The following EDN3 variants were observed in gnomAD, a reference collection of about 807,000 sequenced individuals.
The protein encoded by EDN3 is endothelin-3.
EDN3 carries 9 observed loss-of-function variants against 21.4 expected under a neutral mutation model. The ratio of observed to expected loss-of-function variants is 0.42; its 90% confidence interval spans 0.25 to 0.73. The LOEUF (loss-of-function observed/expected upper bound fraction) is 0.73, where lower values mean the gene tolerates loss of function less well. Ranked by LOEUF, EDN3 falls within the 30% of genes least tolerant of loss-of-function variation. EDN3 has a pLI of 0.26. For synonymous variants in EDN3, 133 were observed against 126.2 expected (o/e 1.05, Z -0.36); for missense variants, 327 against 309.4 (o/e 1.06, Z -0.43).
chr20:59,315,664 G>T (rs936254799), intron 2 of EDN3, among the ~76,000 whole-genome samples: 7 of 152,144 alleles, frequency 4.6e-5, no homozygotes, highest in African/African-American at 2.4e-5. Flanking sequence ...TAAACCACTA[G>T]ACTAGGAGTT....
intron 4 of EDN3, among the ~76,000 whole-genome samples, chr20:59,323,274 C>A (rs548931508): frequency 6.6e-6 from 1 of 152,166 alleles, no homozygotes; most frequent in Non-Finnish European, 1.5e-5. Context: ...CCCGGGAGAG[C>A]ATGAGTCAGA....
chr20:59,306,418 A>G (rs1460206724), intron 2 of EDN3, among the ~76,000 whole-genome samples: 1 of 152,034 alleles, frequency 6.6e-6, no homozygotes, highest in Non-Finnish European at 1.5e-5. Flanking sequence ...AGGTGCAGAC[A>G]TCAGCCGCTC....
Position 59,301,492 on chromosome 20 carries a change from C to A in EDN3, c.135C>A (p.Asp45Glu). The A allele has an allele frequency of 6.2e-7, 1 of 1,613,232 alleles. No homozygotes were observed. Among genetic ancestry groups the A allele is most frequent in the East Asian group, 2.2e-5 (1 of 44,864 alleles). ...QAPTAARSEG[D>E]CEETVAGPGE... ...CCACTGCAGCCAGATCTGAGGGGGACTGTGAAGAGACTGTGGCTGGCCCTG... is the reference window on the plus strand; with the variant it reads ...CCACTGCAGCCAGATCTGAGGGGGAATGTGAAGAGACTGTGGCTGGCCCTG... Residue 45 changes from aspartate (D) to glutamate (E), a missense_variant, in exon 2 of 5, where the codon GAC (aspartate) becomes GAA (glutamate). By Grantham distance (45) the Asp-to-Glu change is conservative (BLOSUM62 2). Coordinates refer to ENST00000337938, the MANE Select transcript of EDN3 (RefSeq NM_207034.3).
Position 59,301,609 on chromosome 20 carries a change from G to T in EDN3, c.252G>T (p.Ala84=). 6.2e-7 allele frequency: 1 copy of T among 1,614,064 alleles called. No individual in the cohort carries two copies. The highest frequency in any genetic ancestry group is 8.5e-7 in the Non-Finnish European group (1 of 1,179,982). ...CTGGAAGCCCTGGGCAGGAGCAGGCGGCCGAGGGGGCCCCTGAGCACCACC... is the reference window on the plus strand; with the variant it reads ...CTGGAAGCCCTGGGCAGGAGCAGGCTGCCGAGGGGGCCCCTGAGCACCACC... The part of the protein sequence containing the change: ...PSPGSPGQEQ[A]AEGAPEHHRS... The change falls in exon 2 of 5, where the codon GCG becomes GCT. Residue 84 remains alanine (A), a synonymous_variant. Coordinates refer to ENST00000337938, the MANE Select transcript of EDN3 (RefSeq NM_207034.3).
intron 2 of EDN3, among the ~76,000 whole-genome samples, chr20:59,303,240 C>T (rs1206264367): frequency 2.6e-5 from 4 of 152,156 alleles, no homozygotes; most frequent in Admixed American, 6.5e-5. Context: ...GCTGTGTCCA[C>T]CTAGAGGATG....
intron 2 of EDN3, among the ~76,000 whole-genome samples, chr20:59,313,749 GC>G (rs140098931): frequency 5.2e-4 from 79 of 152,336 alleles, no homozygotes; most frequent in African/African-American, 1.9e-3. Flanking sequence ...GCTATGAATT[GC>G]CGGTTCACTG....
chr20:59,303,220 T>C (rs1272089202), intron 2 of EDN3, among the ~76,000 whole-genome samples: 3 of 152,224 alleles, frequency 2.0e-5, no homozygotes, highest in Non-Finnish European at 4.4e-5. Context: ...TACCCTGATT[T>C]GCTGGCTGGG....
rs192079451 is a variant in EDN3, at chr20:59,313,973, A to G, written c.366-7044A>G. Among the ~76,000 whole-genome samples the G allele has an allele frequency of 2.6e-5, 4 of 152,346 alleles. No homozygotes were observed. In the East Asian group the frequency reaches 7.7e-4, roughly 29 times the overall value. ...TAAGCATTTGATGAGCGGGCAAGGA[A>G]TAAGTTCAGTAGAGGACGAAACTTC... On this transcript the variant is annotated intron_variant, in intron 2 of 4. Transcript: ENST00000337938.
Position 59,322,344 on chromosome 20 carries a change from T to C in EDN3, c.543-28T>C, listed in dbSNP as rs373743912. ...CCAGCCACAGGGAAAGGCAGGTTGA[T>C]TGATTAAAACCAGCTCTCTCCCCAC... On this transcript the variant is annotated intron_variant, in intron 3 of 4. Transcript: ENST00000337938. This position sits in a 1 kb window ranked among gnomAD's most constrained non-coding sequence, Gnocchi z 4.1. 6.2e-7 allele frequency: 1 copy of C among 1,613,902 alleles called. No individual in the cohort carries two copies.
Position 59,325,891 on chromosome 20 carries a change from T to G in EDN3, c.*1432T>G, listed in dbSNP as rs1990812307. On this transcript the variant is annotated 3_prime_UTR_variant, in exon 5 of 5. Transcript: ENST00000337938. ...CATTTTTAAAATGCATATGTGCTGT[T>G]TGGCACCGTGGCAAGATGGTATCAG... 6.6e-6 allele frequency: 1 copy of G among 152,232 alleles called. No homozygotes were observed. Among genetic ancestry groups the G allele is most frequent in the Non-Finnish European group, 1.5e-5 (1 of 68,050 alleles). 9.4% of individuals were successfully genotyped at this position (152,232 alleles called of 1,614,324 possible). A position where few individuals can be genotyped will look rare whatever the true frequency, so the allele number is the denominator to read the frequency against.
intron 4 of EDN3, 89 bp from the exon 5 acceptor site, chr20:59,324,242 T>G: frequency 6.5e-7 from 1 of 1,546,658 alleles, no homozygotes. Flanking sequence ...TGGGAAGACG[T>G]TCCCTTTTTC....
chr20:59,306,971 C>A (rs1471370668), intron 2 of EDN3, among the ~76,000 whole-genome samples: 1 of 152,088 alleles, frequency 6.6e-6, no homozygotes, highest in Non-Finnish European at 1.5e-5. Context: ...ATGGTGAAAC[C>A]CCGTCTGTAC....
chr20:59,306,973 C>T (rs1044171557), intron 2 of EDN3, among the ~76,000 whole-genome samples: 3 of 152,062 alleles, frequency 2.0e-5, no homozygotes, highest in Non-Finnish European at 2.9e-5. Context: ...GGTGAAACCC[C>T]GTCTGTACTA....
At chr20:59,318,559 G>C (rs935516162) in intron 2 of EDN3, among the ~76,000 whole-genome samples, 1 of 152,136 alleles carries the variant, frequency 6.6e-6, no homozygotes, top group Non-Finnish European at 1.5e-5. Flanking sequence ...CCTCACCTCC[G>C]CACGGGTCGG....
At chr20:59,306,595 T>TG (rs1181766828) in intron 2 of EDN3, among the ~76,000 whole-genome samples, 7 of 62,454 alleles carry the variant, frequency 1.1e-4, no homozygotes, top group African/African-American at 5.0e-4. Flanking sequence ...GCATAAAGAG[T>TG]AAAAAAAAAA....
intron 4 of EDN3, among the ~76,000 whole-genome samples, chr20:59,323,236 G>A (rs1426533363): frequency 3.3e-5 from 5 of 152,148 alleles, no homozygotes; most frequent in African/African-American, 1.2e-4. Context: ...GGAGCGGGAG[G>A]AGGAGGGCCG....
rs1325490420 is a variant in EDN3, at chr20:59,322,485, G to A, written c.588+68G>A. On this transcript the variant is annotated intron_variant, in intron 4 of 4. Coordinates refer to ENST00000337938, the MANE Select transcript of EDN3 (RefSeq NM_207034.3). The surrounding 1 kb of genome is among the most constrained non-coding windows in gnomAD (Gnocchi z 4.1). The stretch of plus-strand genomic sequence containing the variant: ...TGTGACGTGTCATTCCTTCGGGGGT[G>A]GGTGGAGGGTGTTTTGAGGGGATGG... 6.2e-7 allele frequency: 1 copy of A among 1,605,726 alleles called. No homozygotes were observed. Among genetic ancestry groups the A allele is most frequent in the Admixed American group, 1.7e-5 (1 of 59,894 alleles).
At chr20:59,324,067 G>A (rs776907328) in intron 4 of EDN3, among the ~76,000 whole-genome samples, 2 of 152,202 alleles carry the variant, frequency 1.3e-5, no homozygotes, top group Non-Finnish European at 2.9e-5. Flanking sequence ...CTTAGCTTGT[G>A]GTAATCAAAG....
rs781103592 is a variant in EDN3, at chr20:59,301,579, A to C, written c.222A>C (p.Pro74=). The change falls in exon 2 of 5, where the codon CCA becomes CCC. Residue 74 remains proline, a synonymous_variant. Coordinates refer to ENST00000337938, the MANE Select transcript of EDN3 (RefSeq NM_207034.3). The part of the protein sequence containing the change: ...GTVAPTALQG[P]SPGSPGQEQA... Reference sequence around the variant, plus strand: ...TGGCCCCGACAGCACTGCAGGGTCCAAGCCCTGGAAGCCCTGGGCAGGAGC... The same window carrying C: ...TGGCCCCGACAGCACTGCAGGGTCCCAGCCCTGGAAGCCCTGGGCAGGAGC... 8.7e-6 allele frequency: 14 copies of C among 1,613,618 alleles called. No individual in the cohort carries two copies. The highest frequency in any genetic ancestry group is 1.2e-5 in the Non-Finnish European group (14 of 1,179,890).
Sources: gnomAD v4.1 joint callset for allele counts (sites outside exome capture counted in the v4.1 genomes callset) on GRCh38, gnomAD v4.1.1 for gene constraint, Gnocchi (gnomAD v3.1) non-coding constraint, MANE v1.5 for transcripts, NCBI Gene and HGNC (gene_info 2026-07-23, HGNC 2026-07-21) for gene names.